UBE2E1: variants seen among roughly 807,000 people sequenced by gnomAD.
UBE2E1 encodes the protein ubiquitin-conjugating enzyme E2 E1.
Under a neutral mutation model 21.4 loss-of-function variants are expected in UBE2E1, and 6 were observed. The ratio of observed to expected loss-of-function variants is 0.28; its 90% confidence interval spans 0.15 to 0.55. The LOEUF is 0.55. UBE2E1 is among the 20% of genes least tolerant of loss of function. The pLI is 0.93. For missense variants in UBE2E1, 142 were observed against 236.5 expected (o/e 0.60, Z 2.62); for synonymous variants, 87 against 82.7 (o/e 1.05, Z -0.28).
At position 23,836,991 on chromosome 3, in the gene UBE2E1, A is replaced by G. The variant is rs1432955585; in HGVS notation, c.203+25481A>G. On this transcript the variant is annotated intron_variant, in intron 3 of 5. Transcript: ENST00000306627. The surrounding 1 kb of genome is among the most constrained non-coding windows in gnomAD (Gnocchi z 4.1). ...TAACTTGTTTGGCATATTGAGTAACATGGCAGGTTCTGGAGCCAGACTGAG... is the reference window on the plus strand; with the variant it reads ...TAACTTGTTTGGCATATTGAGTAACGTGGCAGGTTCTGGAGCCAGACTGAG... Among the ~76,000 whole-genome samples, 1 of 152,216 alleles carries G rather than the reference A, an allele frequency of 6.6e-6. No homozygotes were observed. Among genetic ancestry groups the G allele is most frequent in the Admixed American group, 6.5e-5 (1 of 15,276 alleles).
At chr3:23,812,168 T>G (rs180759476) in intron 3 of UBE2E1, among the ~76,000 whole-genome samples, 4 of 152,304 alleles carry the variant, frequency 2.6e-5, no homozygotes, top group Admixed American at 2.6e-4. Flanking sequence ...AGAAGCCATT[T>G]TGCTACTGTT....
chr3:23,845,042 C>T (rs1348598645), intron 3 of UBE2E1, among the ~76,000 whole-genome samples: 1 of 152,004 alleles, frequency 6.6e-6, no homozygotes, highest in Non-Finnish European at 1.5e-5. Flanking sequence ...TAAATAAAAC[C>T]GGATTCCTAC....
chr3:23,858,581 A>G (rs1254789403), intron 3 of UBE2E1, among the ~76,000 whole-genome samples: 2 of 152,198 alleles, frequency 1.3e-5, no homozygotes, highest in Non-Finnish European at 2.9e-5. Context: ...TGGCCTCCCA[A>G]AGTGCTAGGA....
At chr3:23,882,533 ACTC>A (rs1559494644) in intron 3 of UBE2E1, among the ~76,000 whole-genome samples, 1 of 151,964 alleles carries the variant, frequency 6.6e-6, no homozygotes, top group African/African-American at 2.4e-5. Flanking sequence ...GTGCGCCCAC[ACTC>A]CTCAACCCTT....
At chr3:23,822,849 C>A (rs1247053878) in intron 3 of UBE2E1, among the ~76,000 whole-genome samples, 1 of 146,616 alleles carries the variant, frequency 6.8e-6, no homozygotes, top group Non-Finnish European at 1.5e-5. Context: ...CCCCAACCCC[C>A]GCCACCGCCC....
chr3:23,811,505 T>C lies in UBE2E1; in HGVS notation c.198T>C (p.Asn66=). 1 of 1,614,206 alleles carries C rather than the reference T, an allele frequency of 6.2e-7. No individual in the cohort carries two copies. Residue 66 remains asparagine (N), a synonymous_variant, in exon 3 of 6, where the codon AAT becomes AAC. Transcript: ENST00000306627. The part of the protein sequence containing the change: ...LADITLDPPP[N]CSAGPKGDNI... Reference sequence around the variant, plus strand: ...ACATCACTTTAGACCCTCCACCTAATTGCAGGTGAGTTGCTTTTCGGATTT... The same window carrying C: ...ACATCACTTTAGACCCTCCACCTAACTGCAGGTGAGTTGCTTTTCGGATTT...
At chr3:23,824,339 T>G (rs1026423647) in intron 3 of UBE2E1, among the ~76,000 whole-genome samples, 9 of 152,226 alleles carry the variant, frequency 5.9e-5, no homozygotes, top group Non-Finnish European at 1.5e-5. Flanking sequence ...ATAATGAATT[T>G]GTGAAGAAAG....
At chr3:23,862,808 C>G (rs767861327) in intron 3 of UBE2E1, among the ~76,000 whole-genome samples, 9 of 152,150 alleles carry the variant, frequency 5.9e-5, no homozygotes, top group Non-Finnish European at 1.3e-4. Context: ...TTACTGCAGC[C>G]TCAAACTCCT....
intron 3 of UBE2E1, among the ~76,000 whole-genome samples, chr3:23,848,948 G>T (rs1277213325): frequency 6.6e-6 from 1 of 152,158 alleles, no homozygotes; most frequent in Non-Finnish European, 1.5e-5. Context: ...GTTGTGTCAT[G>T]TATCAGTACT....
In UBE2E1 at chr3:23,880,715, TG is replaced by T. The variant is rs561373626; in HGVS notation, c.204-6848del. Among the ~76,000 whole-genome samples the T allele has an allele frequency of 5.3e-5, 8 of 152,222 alleles. No homozygotes were observed. The South Asian group carries it at 1.7e-3, about 32-fold the overall frequency. On this transcript the variant is annotated intron_variant, in intron 3 of 5. Transcript: ENST00000306627. ...AATAAGTCTGTACTGAGAATGGGAA[TG>T]GGGAAAGACTCACAAAAACATGATT...
At chr3:23,889,388 CAA>C in intron 5 of UBE2E1, 129 bp downstream of exon 5, 1 of 1,517,960 alleles carries the variant, frequency 6.6e-7, no homozygotes, top group Non-Finnish European at 8.8e-7. Flanking sequence ...ATCGGCTTTT[CAA>C]AAGAAAGTTT....
chr3:23,829,218 T>A, intron 3 of UBE2E1, among the ~76,000 whole-genome samples: 1 of 146,742 alleles, frequency 6.8e-6, no homozygotes, highest in African/African-American at 2.5e-5. Context: ...TGGAATGCAA[T>A]GGTGTGATCA....
chr3:23,807,041 C>A, intron 1 of UBE2E1, 196 bp from the exon 2 acceptor site: 3 of 452,300 alleles, frequency 6.6e-6, no homozygotes, highest in Non-Finnish European at 7.8e-6. Flanking sequence ...CAGCGTTCCC[C>A]ACTTGGGGCC....
chr3:23,888,988 G>GTCTA lies in UBE2E1; in HGVS notation c.337-120_337-117dup, dbSNP rs564352195. The GTCTA allele has an allele frequency of 1.3e-4, 121 of 955,610 alleles. No homozygotes were observed. In the African/African-American group the frequency reaches 1.6e-3, roughly 12 times the overall value. The allele number at this position is 955,610 out of a possible 1,614,324, so 59.2% of individuals were successfully genotyped here. A position where few individuals can be genotyped will look rare whatever the true frequency, so the allele number is the denominator to read the frequency against. On this transcript the variant is annotated intron_variant, in intron 4 of 5. Coordinates refer to ENST00000306627, the MANE Select transcript of UBE2E1 (RefSeq NM_003341.5). ...TGAACACTTTCTAATCAAATTTATT[G>GTCTA]TCTATCTTCTTGACAGCTTTAATTA...
At chr3:23,827,400 C>T (rs1037547164) in intron 3 of UBE2E1, among the ~76,000 whole-genome samples, 1 of 152,180 alleles carries the variant, frequency 6.6e-6, no homozygotes, top group African/African-American at 2.4e-5. Context: ...CTTTTTGCTT[C>T]ACACTGTGTG....
chr3:23,852,319 T>G (rs887418543), intron 3 of UBE2E1, among the ~76,000 whole-genome samples: 1 of 152,242 alleles, frequency 6.6e-6, no homozygotes, highest in Non-Finnish European at 1.5e-5. Flanking sequence ...TAGTCTGCAG[T>G]GTACATATTT....
chr3:23,855,809 G>A (rs890433240), intron 3 of UBE2E1, among the ~76,000 whole-genome samples: 1 of 151,810 alleles, frequency 6.6e-6, no homozygotes, highest in Non-Finnish European at 1.5e-5. Flanking sequence ...CAGCCTGGGC[G>A]ACAGAGTAAG....
intron 3 of UBE2E1, among the ~76,000 whole-genome samples, chr3:23,826,609 A>G (rs1699764649): frequency 6.6e-6 from 1 of 152,196 alleles, no homozygotes; most frequent in African/African-American, 2.4e-5. Context: ...TGTGATATCT[A>G]AAAGATTTAT....
intron 3 of UBE2E1, among the ~76,000 whole-genome samples, chr3:23,856,928 C>T (rs1220132831): frequency 1.3e-5 from 2 of 149,264 alleles, no homozygotes; most frequent in African/African-American, 5.0e-5. Flanking sequence ...ACTTAAGTCC[C>T]GGATTTTGAG....
Sources: allele counts gnomAD v4.1 joint callset (sites outside exome capture counted in the v4.1 genomes callset), GRCh38; gene constraint gnomAD v4.1.1; non-coding constraint Gnocchi (gnomAD v3.1); transcripts MANE v1.5; gene names NCBI Gene and HGNC (gene_info 2026-07-23, HGNC 2026-07-21).